The following SPOCK1 variants were observed in gnomAD, a reference collection of about 807,000 sequenced individuals.
SPOCK1 encodes the protein testican-1.
SPOCK1 carries 23 observed loss-of-function variants against 55.3 expected under a neutral mutation model. That is an observed-to-expected ratio of 0.42 (90% confidence interval 0.30 to 0.59). The LOEUF (loss-of-function observed/expected upper bound fraction) is 0.59, where lower values mean the gene tolerates loss of function less well. Among genes scored for constraint, SPOCK1 ranks in the 20% least tolerant of loss-of-function variants. The pLI, the probability that SPOCK1 is intolerant of heterozygous loss-of-function variation, is 0.22. For missense variants in SPOCK1, 499 were observed against 552.5 expected (o/e 0.90, Z 0.97); for synonymous variants, 226 against 221.0 (o/e 1.02, Z -0.20).
chr5:137,261,046 TCC>T (rs1756734544), intron 3 of SPOCK1, among the ~76,000 whole-genome samples: 1 of 151,986 alleles, frequency 6.6e-6, no homozygotes, highest in Non-Finnish European at 1.5e-5. Flanking sequence ...TTAAGATGCT[TCC>T]CACAAACGAG....
intron 2 of SPOCK1, among the ~76,000 whole-genome samples, chr5:137,333,905 AAAAG>A (rs1483274327): frequency 1.3e-5 from 2 of 152,214 alleles, no homozygotes; most frequent in African/African-American, 2.4e-5. Flanking sequence ...CTTAACAAAA[AAAAG>A]AAAGACAAAA....
chr5:137,482,905 T>C (rs1753979531), intron 2 of SPOCK1, among the ~76,000 whole-genome samples: 1 of 152,200 alleles, frequency 6.6e-6, no homozygotes, highest in Non-Finnish European at 1.5e-5. Flanking sequence ...TGCAGCCAAT[T>C]TACTGTAACT....
intron 2 of SPOCK1, among the ~76,000 whole-genome samples, chr5:137,392,458 C>G (rs1325298293): frequency 6.6e-6 from 1 of 152,118 alleles, no homozygotes; most frequent in Non-Finnish European, 1.5e-5. Context: ...CGACAATTAC[C>G]AAGTCTTAGC....
At chr5:137,016,487 C>T (rs1751449744) in intron 6 of SPOCK1, among the ~76,000 whole-genome samples, 1 of 152,154 alleles carries the variant, frequency 6.6e-6, no homozygotes, top group Non-Finnish European at 1.5e-5. Context: ...ATAAGAAGAC[C>T]TAGAAAATAA....
At chr5:137,497,765 G>T (rs570416661) in intron 2 of SPOCK1, among the ~76,000 whole-genome samples, 4 of 152,138 alleles carry the variant, frequency 2.6e-5, no homozygotes, top group Non-Finnish European at 5.9e-5. Flanking sequence ...CGGGCTAGTT[G>T]TTCCTGTTTC....
At chr5:137,056,556 A>G (rs890666642) in intron 6 of SPOCK1, among the ~76,000 whole-genome samples, 3 of 152,092 alleles carry the variant, frequency 2.0e-5, no homozygotes, top group Non-Finnish European at 4.4e-5. Flanking sequence ...TCTCAGGGGT[A>G]GTTCCATAGG....
chr5:137,324,733 A>C (rs1758044894), intron 2 of SPOCK1, among the ~76,000 whole-genome samples: 1 of 152,312 alleles, frequency 6.6e-6, no homozygotes. Context: ...TGAATGGTAC[A>C]ATTAAAATTT....
intron 3 of SPOCK1, among the ~76,000 whole-genome samples, chr5:137,204,223 A>T (rs1443311835): frequency 1.4e-5 from 2 of 146,714 alleles, no homozygotes; most frequent in Admixed American, 1.3e-4. Flanking sequence ...TTAGATGCTA[A>T]TATTATTTTT....
chr5:137,093,925 C>T (rs540611505), intron 5 of SPOCK1, among the ~76,000 whole-genome samples: 4 of 152,312 alleles, frequency 2.6e-5, no homozygotes, highest in African/African-American at 9.6e-5. Context: ...TCAATGATCA[C>T]TCAGCTGCTC....
intron 6 of SPOCK1, among the ~76,000 whole-genome samples, chr5:137,014,166 C>G (rs1203613786): frequency 6.6e-6 from 1 of 152,122 alleles, no homozygotes; most frequent in Non-Finnish European, 1.5e-5. Context: ...CTTCCTCCCC[C>G]TATGCCCCCA....
chr5:137,470,181 C>T (rs1236087150), intron 2 of SPOCK1, among the ~76,000 whole-genome samples: 1 of 152,058 alleles, frequency 6.6e-6, no homozygotes, highest in African/African-American at 2.4e-5. Flanking sequence ...TGTATTTGGC[C>T]ATTTATTGTG....
chr5:137,435,442 T>G (rs1752841602), intron 2 of SPOCK1, among the ~76,000 whole-genome samples: 1 of 145,574 alleles, frequency 6.9e-6, no homozygotes, highest in Non-Finnish European at 1.5e-5. Flanking sequence ...ATTACTTAAC[T>G]TTCAGTGAAT....
intron 2 of SPOCK1, among the ~76,000 whole-genome samples, chr5:137,267,371 A>T (rs1211067247): frequency 6.6e-6 from 1 of 152,202 alleles, no homozygotes; most frequent in Admixed American, 6.5e-5. Context: ...TTTGCTATCA[A>T]TTATACTGTA....
chr5:137,127,674 C>T (rs181321830), intron 4 of SPOCK1, among the ~76,000 whole-genome samples: 50 of 152,310 alleles, frequency 3.3e-4, no homozygotes, highest in African/African-American at 1.2e-3. Flanking sequence ...GCCTGTTATC[C>T]CTTTCTTCTT....
At chr5:137,469,911 A>T (rs1411920083) in intron 2 of SPOCK1, among the ~76,000 whole-genome samples, 1 of 152,176 alleles carries the variant, frequency 6.6e-6, no homozygotes, top group Non-Finnish European at 1.5e-5. Flanking sequence ...TGCTGCTATG[A>T]GGTGGGCTTT....
At chr5:137,000,452 C>T (rs1463209979) in intron 6 of SPOCK1, among the ~76,000 whole-genome samples, 1 of 152,006 alleles carries the variant, frequency 6.6e-6, no homozygotes, top group African/African-American at 2.4e-5. Flanking sequence ...TGCTGGAAGC[C>T]TTCAGCAGCA....
intron 2 of SPOCK1, among the ~76,000 whole-genome samples, chr5:137,269,179 T>C (rs879691361): frequency 1.3e-5 from 2 of 152,216 alleles, no homozygotes; most frequent in Non-Finnish European, 2.9e-5. Context: ...TCATTGCAAA[T>C]GTAACAATAC....
intron 3 of SPOCK1, among the ~76,000 whole-genome samples, chr5:137,224,780 T>C (rs890862197): frequency 6.6e-6 from 1 of 152,194 alleles, no homozygotes; most frequent in Non-Finnish European, 1.5e-5. Flanking sequence ...GCAGGCAGCA[T>C]GGGAGCCTTG....
At chr5:137,132,139 C>T (rs1212877381) in intron 4 of SPOCK1, among the ~76,000 whole-genome samples, 5 of 137,638 alleles carry the variant, frequency 3.6e-5, no homozygotes, top group African/African-American at 1.1e-4. Context: ...AGTGCCACTG[C>T]ACTCCAGCCT....
Sources: allele counts gnomAD v4.1 joint callset (sites outside exome capture counted in the v4.1 genomes callset), GRCh38; gene constraint gnomAD v4.1.1; transcripts MANE v1.5; gene names NCBI Gene and HGNC (gene_info 2026-07-23, HGNC 2026-07-21).